Variants in CHST6 observed in about 807,000 individuals in gnomAD.
CHST6 encodes the protein N-acetylglucosamine 6-O-sulfotransferase 5.
For synonymous variants in CHST6, 309 were observed against 276.4 expected (o/e 1.12, Z -1.17); for missense variants, 698 against 586.2 (o/e 1.19, Z -1.97).
At chr16:75,490,276 C>T (rs1005966326) in intron 1 of CHST6, among the ~76,000 whole-genome samples, 1 of 150,352 alleles carries the variant, frequency 6.7e-6, no homozygotes, top group African/African-American at 2.5e-5. Flanking sequence ...GTCGGGAGTT[C>T]GAGACCAGCC....
Position 75,474,805 on chromosome 16 carries a change from G to GT in CHST6, c.*3835dup, listed in dbSNP as rs763291064. ...CCAACTCACTCCTGAAATAATGGTG[G>GT]TTTTTTTTAAGACAGACTCTCGCTT... On this transcript the variant is annotated 3_prime_UTR_variant, in exon 3 of 3. Coordinates refer to ENST00000332272, the MANE Select transcript of CHST6 (RefSeq NM_021615.5). The GT allele has an allele frequency of 1.3e-3, 508 of 393,742 alleles. No homozygotes were observed. The highest frequency in any genetic ancestry group is 1.8e-3 in the Non-Finnish European group (411 of 223,162). 24.4% of individuals were successfully genotyped at this position (393,742 alleles called of 1,614,324 possible).
chr16:75,491,637 T>A (rs2080258225), intron 1 of CHST6, among the ~76,000 whole-genome samples: 1 of 152,196 alleles, frequency 6.6e-6, no homozygotes, highest in Non-Finnish European at 1.5e-5. Context: ...CCCAAAGTGC[T>A]GGGATTACAG....
intron 1 of CHST6, among the ~76,000 whole-genome samples, chr16:75,493,202 C>T (rs140458430): frequency 2.0e-5 from 3 of 151,858 alleles, no homozygotes; most frequent in African/African-American, 4.8e-5. Context: ...TCCTTCTGTG[C>T]CTGCTTGGTT....
At chr16:75,487,904 G>A (rs1259968124) in intron 1 of CHST6, among the ~76,000 whole-genome samples, 1 of 151,974 alleles carries the variant, frequency 6.6e-6, no homozygotes, top group Non-Finnish European at 1.5e-5. Flanking sequence ...GCGGAGTCAG[G>A]AGAATCGCTG....
In CHST6 at chr16:75,479,234, G is replaced by C; in HGVS notation, c.595C>G (p.His199Asp). ...SDPALNLRIV[H>D]LVRDPRAVLR... ...ACGGCCCGCGGGTCGCGCACCAGGTGCACGATGCGTAGGTTGAGCGCGGGG... is the reference window on the plus strand; with the variant it reads ...ACGGCCCGCGGGTCGCGCACCAGGTCCACGATGCGTAGGTTGAGCGCGGGG... Residue 199 changes from histidine (H) to aspartate (D), a missense_variant, in exon 3 of 3, where the codon CAC (histidine) becomes GAC (aspartate). His to Asp is a moderately conservative substitution (Grantham distance 81). Transcript: ENST00000332272. 6.2e-7 allele frequency: 1 copy of C among 1,611,526 alleles called. No homozygotes were observed. The highest frequency in any genetic ancestry group is 8.5e-7 in the Non-Finnish European group (1 of 1,179,688).
chr16:75,478,550 A>C lies in CHST6; in HGVS notation c.*91T>G. On this transcript the variant is annotated 3_prime_UTR_variant, in exon 3 of 3. Transcript: ENST00000332272. ...GGTCGTACCACAAACTCCTTGGTCA[A>C]TATAGGGACCTGCTTCTCCGTGCGC... The C allele has an allele frequency of 1.5e-6, 2 of 1,325,026 alleles. No individual in the cohort carries two copies. Among genetic ancestry groups the C allele is most frequent in the Admixed American group, 3.4e-5 (2 of 58,592 alleles). The allele number at this position is 1,325,026 out of a possible 1,614,324, so 82.1% of individuals were successfully genotyped here.
chr16:75,478,703 G>GC lies in CHST6; in HGVS notation c.1125dup (p.Leu376AlafsTer113). 1 of 1,613,696 alleles carries GC rather than the reference G, an allele frequency of 6.2e-7. No homozygotes were observed. The highest frequency in any genetic ancestry group is 8.5e-7 in the Non-Finnish European group (1 of 1,180,028). On this transcript the variant is annotated frameshift_variant, in exon 3 of 3. Coordinates refer to ENST00000332272, the MANE Select transcript of CHST6 (RefSeq NM_021615.5). LOFTEE classifies it high-confidence loss of function. ...GTGAAGCCGTTCAGGCCTCGTGGCA[G>GC]CACCAGATCAAGGGCGAGGTTGCGC...
rs1023401288 is a variant in CHST6, at chr16:75,474,553, G to C, written c.*4088C>G. 2.5e-6 allele frequency: 1 copy of C among 398,168 alleles called. No individual in the cohort carries two copies. Among genetic ancestry groups the C allele is most frequent in the Non-Finnish European group, 4.4e-6 (1 of 226,042 alleles). The allele number at this position is 398,168 out of a possible 1,614,324, so 24.7% of individuals were successfully genotyped here. ...AGCCTTGCAAAGTATTGGGATTACA[G>C]GCGTGAGCCACTGAACCCAGCAAGG... On this transcript the variant is annotated 3_prime_UTR_variant, in exon 3 of 3. Transcript: ENST00000332272.
rs561345016 is a variant in CHST6 at position 75,474,725 on chromosome 16, G to A, written c.*3916C>T. On this transcript the variant is annotated 3_prime_UTR_variant, in exon 3 of 3. Coordinates refer to ENST00000332272, the MANE Select transcript of CHST6 (RefSeq NM_021615.5). The stretch of plus-strand genomic sequence containing the variant: ...TATGGCAGAAGGGCAAAGTGAGGGC[G>A]AGAGAAAGACAAAGAATGAACTCCT... 13 of 398,608 alleles carry A rather than the reference G, an allele frequency of 3.3e-5. No homozygotes were observed. The highest frequency in any genetic ancestry group is 2.5e-4 in the South Asian group (2 of 7,852). The allele number at this position is 398,608 out of a possible 1,614,324, so 24.7% of individuals were successfully genotyped here. A position where few individuals can be genotyped will look rare whatever the true frequency, so the allele number is the denominator to read the frequency against.
rs369751938 is a variant in CHST6 at position 75,478,842 on chromosome 16, G to C, written c.987C>G (p.Val329=). 1.2e-6 allele frequency: 2 copies of C among 1,613,464 alleles called. No individual in the cohort carries two copies. Among genetic ancestry groups the C allele is most frequent in the Admixed American group, 3.3e-5 (2 of 60,034 alleles). Residue 329 remains valine, a synonymous_variant, in exon 3 of 3, where the codon GTC becomes GTG. Transcript: ENST00000332272. ...GCAGCGCATGGCGCCAGGCCTGGGA[G>C]ACGTTGAGCGCATTCCTGGACGAAG... ...FKTSSRNALN[V]SQAWRHALPF...
intron 1 of CHST6, among the ~76,000 whole-genome samples, chr16:75,483,751 C>A (rs977981620): frequency 3.9e-5 from 6 of 152,256 alleles, no homozygotes; most frequent in Middle Eastern, 3.4e-3. Context: ...CAGCCGGGTA[C>A]GGTAACTCAT....
intron 1 of CHST6, among the ~76,000 whole-genome samples, chr16:75,487,655 C>T (rs1435220989): frequency 7.3e-5 from 11 of 151,724 alleles, no homozygotes; most frequent in South Asian, 2.1e-4. Flanking sequence ...AAAAATTAGC[C>T]GGGCGTGGTG....
intron 1 of CHST6, among the ~76,000 whole-genome samples, chr16:75,482,957 C>T (rs1299492160): frequency 6.6e-6 from 1 of 152,232 alleles, no homozygotes; most frequent in Admixed American, 6.5e-5. Context: ...GATCAACGCT[C>T]CTCCAGTGCC....
In CHST6 at chr16:75,478,949, T is replaced by G; in HGVS notation, c.880A>C (p.Ser294Arg). Residue 294 changes from serine (S) to arginine (R), a missense_variant, in exon 3 of 3, where the codon AGT (serine) becomes CGT (arginine). Coordinates refer to ENST00000332272, the MANE Select transcript of CHST6 (RefSeq NM_021615.5). ...CAGGCCTCGAGCTGTGGCGTGAGAC[T>G]GAGCCCAGTGAAGGCGTAGAGCGCA... ...IRALYAFTGL[S>R]LTPQLEAWIH... 6.2e-7 allele frequency: 1 copy of G among 1,613,074 alleles called. No individual in the cohort carries two copies. Among genetic ancestry groups the G allele is most frequent in the Non-Finnish European group, 8.5e-7 (1 of 1,179,954 alleles).
At chr16:75,483,407 C>T (rs984483717) in intron 1 of CHST6, among the ~76,000 whole-genome samples, 1 of 152,190 alleles carries the variant, frequency 6.6e-6, no homozygotes, top group Non-Finnish European at 1.5e-5. Flanking sequence ...ACAGGAACTG[C>T]TATGAGATCC....
chr16:75,479,121 G>A lies in CHST6; in HGVS notation c.708C>T (p.Asp236=), dbSNP rs779128434. ...LGTNGTWVEA[D]PGLRVVREVC... ...CCTCGCGCACCACGCGCAGGCCGGG[G>A]TCGGCCTCCACCCACGTGCCGTTGG... Residue 236 remains aspartate, a synonymous_variant, in exon 3 of 3, where the codon GAC becomes GAT. Transcript: ENST00000332272. 12 of 1,605,646 alleles carry A rather than the reference G, an allele frequency of 7.5e-6. No homozygotes were observed. The South Asian group carries it at 9.9e-5, about 13-fold the overall frequency.
In CHST6 at chr16:75,473,257, G is replaced by A. The variant is rs1332322714; in HGVS notation, c.*5384C>T. 1 of 152,290 alleles carries A rather than the reference G, an allele frequency of 6.6e-6. No individual in the cohort carries two copies. Among genetic ancestry groups the A allele is most frequent in the Non-Finnish European group, 1.5e-5 (1 of 68,116 alleles). The allele number at this position is 152,290 out of a possible 1,614,324, so 9.4% of individuals were successfully genotyped here. ...TGGTGGACTCAGTTTCCCCACCTCT[G>A]AATCTGGGTGAGCCCTGGGACTCCC... On this transcript the variant is annotated 3_prime_UTR_variant, in exon 3 of 3. Transcript: ENST00000332272.
At position 75,474,280 on chromosome 16, in the gene CHST6, G is replaced by T. The variant is rs2080043905; in HGVS notation, c.*4361C>A. On this transcript the variant is annotated 3_prime_UTR_variant, in exon 3 of 3. Coordinates refer to ENST00000332272, the MANE Select transcript of CHST6 (RefSeq NM_021615.5). The stretch of plus-strand genomic sequence containing the variant: ...TTGCTATAACAATACCACAGATGGG[G>T]TCATTTATTTAGAGATAGGTGTCTT... 3.5e-6 allele frequency: 1 copy of T among 284,772 alleles called. No individual in the cohort carries two copies. Among genetic ancestry groups the T allele is most frequent in the African/African-American group, 2.2e-5 (1 of 46,344 alleles). 17.6% of individuals were successfully genotyped at this position (284,772 alleles called of 1,614,324 possible).
chr16:75,481,390 C>T (rs986456992), intron 2 of CHST6, among the ~76,000 whole-genome samples: 13 of 152,066 alleles, frequency 8.5e-5, no homozygotes, highest in South Asian at 2.1e-4. Flanking sequence ...GTCAGGAGTT[C>T]GACACCAACC....
Sources: gnomAD v4.1 joint callset for allele counts (sites outside exome capture counted in the v4.1 genomes callset) on GRCh38, gnomAD v4.1.1 for gene constraint, MANE v1.5 for transcripts, NCBI Gene and HGNC (gene_info 2026-07-23, HGNC 2026-07-21) for gene names.